The following POFUT3 variants were observed in gnomAD, a reference collection of about 807,000 sequenced individuals.
POFUT3 encodes GDP-fucose protein O-fucosyltransferase 3.
At chr8:33,312,980 A>G in the POFUT3 span, among the ~76,000 whole-genome samples, 1 of 152,142 alleles carries the variant, frequency 6.6e-6, no homozygotes, top group South Asian at 2.1e-4. Context: ...CACTCATTCT[A>G]TGATGATTCC....
the POFUT3 span, among the ~76,000 whole-genome samples, chr8:33,365,732 C>T: frequency 6.6e-6 from 1 of 152,068 alleles, no homozygotes; most frequent in African/African-American, 2.4e-5. Context: ...GTTAGAATGG[C>T]GATCATTAAA....
At chr8:33,439,704 A>G in the POFUT3 span, among the ~76,000 whole-genome samples, 1 of 151,720 alleles carries the variant, frequency 6.6e-6, no homozygotes, top group Non-Finnish European at 1.5e-5. Context: ...CGTCTCTACT[A>G]AAAATACAAA....
At chr8:33,397,363 C>G in the POFUT3 span, among the ~76,000 whole-genome samples, 5,534 of 152,176 alleles carry the variant, frequency 0.036, 338 homozygotes, top group African/African-American at 0.13. Context: ...AGGCTCCGCT[C>G]TTGGGGGTGA....
chr8:33,336,825 A>T, the POFUT3 span, among the ~76,000 whole-genome samples: 6 of 152,182 alleles, frequency 3.9e-5, no homozygotes, highest in Non-Finnish European at 8.8e-5. Context: ...TGAAGGGCCA[A>T]GGCATGAGGG....
chr8:33,350,848 G>A, the POFUT3 span, among the ~76,000 whole-genome samples: 1 of 152,184 alleles, frequency 6.6e-6, no homozygotes, highest in Non-Finnish European at 1.5e-5. Context: ...GGGACCTATT[G>A]GGGTGGATGA....
chr8:33,468,568 C>A, the POFUT3 span, among the ~76,000 whole-genome samples: 5 of 152,248 alleles, frequency 3.3e-5, no homozygotes, highest in Non-Finnish European at 7.3e-5. Context: ...TAAATGGTGA[C>A]TGTCCTGGCG....
At chr8:33,313,414 G>T in the POFUT3 span, among the ~76,000 whole-genome samples, 214 of 152,126 alleles carry the variant, frequency 1.4e-3, no homozygotes, top group South Asian at 6.7e-3. Flanking sequence ...CTTCTTTTCC[G>T]ATCCTAACCC....
chr8:33,309,621 G>A, the POFUT3 span, among the ~76,000 whole-genome samples: 1 of 152,006 alleles, frequency 6.6e-6, no homozygotes, highest in African/African-American at 2.4e-5. Flanking sequence ...GAATCCTCAG[G>A]TCCTTGTTGC....
the POFUT3 span, among the ~76,000 whole-genome samples, chr8:33,468,705 CCAA>C: frequency 1.3e-5 from 2 of 152,160 alleles, no homozygotes; most frequent in Admixed American, 6.5e-5. Flanking sequence ...TCCAAAGTGC[CCAA>C]CAACTGGTGT....
the POFUT3 span, chr8:33,389,424 C>G: frequency 3.1e-6 from 5 of 1,614,194 alleles, no homozygotes; most frequent in Non-Finnish European, 4.2e-6. Flanking sequence ...TGAGGGAGGT[C>G]TTTGTTTCGT....
At chr8:33,335,602 G>A in the POFUT3 span, among the ~76,000 whole-genome samples, 2 of 151,950 alleles carry the variant, frequency 1.3e-5, no homozygotes, top group Non-Finnish European at 2.9e-5. Flanking sequence ...GCCAAACCTG[G>A]GCATAGTTGA....
At chr8:33,455,857 GC>G in the POFUT3 span, 2 of 454,736 alleles carry the variant, frequency 4.4e-6, no homozygotes, top group South Asian at 3.1e-5. Context: ...CCTGGGGAGG[GC>G]CCGTGACTTT....
At chr8:33,462,618 C>CA in the POFUT3 span, among the ~76,000 whole-genome samples, 1 of 152,086 alleles carries the variant, frequency 6.6e-6, no homozygotes, top group Non-Finnish European at 1.5e-5. Flanking sequence ...ATGATCTTTT[C>CA]AAAAAAGTTG....
chr8:33,386,646 T>A, the POFUT3 span, among the ~76,000 whole-genome samples: 1 of 152,032 alleles, frequency 6.6e-6, no homozygotes, highest in Non-Finnish European at 1.5e-5. Flanking sequence ...CCGTCTCTAC[T>A]AAAAATACAA....
the POFUT3 span, among the ~76,000 whole-genome samples, chr8:33,472,777 G>C: frequency 2.6e-5 from 4 of 152,192 alleles, no homozygotes; most frequent in African/African-American, 9.6e-5. Flanking sequence ...GCTCCGGCCC[G>C]GCACCCGCCT....
the POFUT3 span, among the ~76,000 whole-genome samples, chr8:33,472,070 A>G: frequency 6.6e-6 from 1 of 152,226 alleles, no homozygotes; most frequent in Non-Finnish European, 1.5e-5. Context: ...TTGTAGTGTG[A>G]CGTTACTAAC....
the POFUT3 span, among the ~76,000 whole-genome samples, chr8:33,384,643 A>G: frequency 6.6e-6 from 1 of 152,026 alleles, no homozygotes; most frequent in African/African-American, 2.4e-5. Context: ...AACATGGTGA[A>G]ACCCCGTCTC....
the POFUT3 span, among the ~76,000 whole-genome samples, chr8:33,395,180 T>C: frequency 6.6e-6 from 1 of 151,894 alleles, no homozygotes; most frequent in Admixed American, 6.6e-5. Flanking sequence ...CTGGCAAGGG[T>C]TCTACCCTCA....
chr8:33,375,008 G>C, the POFUT3 span, among the ~76,000 whole-genome samples: 1 of 151,382 alleles, frequency 6.6e-6, no homozygotes, highest in Non-Finnish European at 1.5e-5. Flanking sequence ...AGCCTCCCAA[G>C]TAGCTGAGAT....
Sources: gnomAD v4.1 joint callset for allele counts (sites outside exome capture counted in the v4.1 genomes callset) on GRCh38, gnomAD v4.1.1 for gene constraint, MANE v1.5 for transcripts, NCBI Gene and HGNC (gene_info 2026-07-23, HGNC 2026-07-21) for gene names.